The following BABAM2 variants were observed in gnomAD, a reference collection of about 807,000 sequenced individuals.
BABAM2 encodes BRISC and BRCA1 A complex member 2, also known as BRISC and BRCA1-A complex member 2.
BABAM2 carries 31 observed loss-of-function variants against 54.7 expected under a neutral mutation model. The ratio of observed to expected loss-of-function variants is 0.57; its 90% CI spans 0.43 to 0.77. The LOEUF is 0.77. BABAM2 is among the 30% of genes least tolerant of loss of function. BABAM2 has a pLI of 0.00. For missense variants in BABAM2, 364 were observed against 455.8 expected (o/e 0.80, Z 1.83); for synonymous variants, 167 against 162.9 (o/e 1.03, Z -0.19).
rs1010547936 is a variant in BABAM2, at chr2:28,114,018, A to G, written c.571-15253A>G. Reference sequence around the variant, plus strand: ...AATAAACTGGATATTGATGGAATGTATCTCAAAATAATAAGAGCTATTTAT... The same window carrying G: ...AATAAACTGGATATTGATGGAATGTGTCTCAAAATAATAAGAGCTATTTAT... On this transcript the variant is annotated intron_variant, in intron 6 of 11. Coordinates refer to ENST00000379624, the MANE Select transcript of BABAM2 (RefSeq NM_199191.3). Among the ~76,000 whole-genome samples the G allele has an allele frequency of 2.6e-5, 4 of 152,176 alleles. No individual in the cohort carries two copies. The South Asian group carries it at 8.3e-4, about 31-fold the overall frequency.
At chr2:28,043,173 G>A (rs1421156226) in intron 5 of BABAM2, among the ~76,000 whole-genome samples, 1 of 150,520 alleles carries the variant, frequency 6.6e-6, no homozygotes, top group Non-Finnish European at 1.5e-5. Flanking sequence ...CTGTCGCCCA[G>A]GCTAGAGTGC....
At chr2:27,998,239 A>C (rs1031454674) in intron 4 of BABAM2, among the ~76,000 whole-genome samples, 4 of 152,260 alleles carry the variant, frequency 2.6e-5, no homozygotes, top group South Asian at 2.1e-4. Flanking sequence ...CTCGTCATCC[A>C]TCCGCTCTTT....
Position 28,025,405 on chromosome 2 carries a change from G to A in BABAM2, c.480G>A (p.Gly160=), listed in dbSNP as rs201904014. Residue 160 remains glycine (G), a synonymous_variant, in exon 5 of 12, where the codon GGG becomes GGA. Transcript: ENST00000379624. ...QYGENMEIYA[G]KKNNWTGEFS... is the part of the protein sequence containing the mutation. Reference sequence around the variant, plus strand: ...GAGAGAACATGGAAATTTATGCTGGGAAAAAAAACAACTGGGTAAGGATTT... The same window carrying A: ...GAGAGAACATGGAAATTTATGCTGGAAAAAAAAACAACTGGGTAAGGATTT... 10 of 1,504,252 alleles carry A rather than the reference G, an allele frequency of 6.6e-6. No individual in the cohort carries two copies. The Admixed American group carries it at 1.6e-4, about 24-fold the overall frequency. The allele number at this position is 1,504,252 out of a possible 1,614,324, so 93.2% of individuals were successfully genotyped here. A position where few individuals can be genotyped will look rare whatever the true frequency, so the allele number is the denominator to read the frequency against.
intron 11 of BABAM2, among the ~76,000 whole-genome samples, chr2:28,305,517 AG>A (rs1688445137): frequency 6.6e-6 from 1 of 152,178 alleles, no homozygotes; most frequent in African/African-American, 2.4e-5. Context: ...TGTCCTTGTC[AG>A]GTCTTTGGTA....
intron 10 of BABAM2, among the ~76,000 whole-genome samples, chr2:28,251,926 C>T (rs758704616): frequency 3.8e-4 from 58 of 152,166 alleles, no homozygotes; most frequent in Admixed American, 7.2e-4. Context: ...TGCAGTGGCT[C>T]ATGCCCGTAA....
At chr2:27,998,172 C>G (rs1673309206) in intron 4 of BABAM2, among the ~76,000 whole-genome samples, 1 of 151,742 alleles carries the variant, frequency 6.6e-6, no homozygotes, top group Non-Finnish European at 1.5e-5. Flanking sequence ...AAATGCTTAT[C>G]CAGAGGAGTT....
At chr2:28,028,123 T>G (rs6727432) in intron 5 of BABAM2, among the ~76,000 whole-genome samples, 112,428 of 151,854 alleles carry the variant, frequency 0.74, 42,628 homozygotes, top group Middle Eastern at 0.89. Context: ...ATGCATGCAT[T>G]TAATAGTTGG....
intron 7 of BABAM2, among the ~76,000 whole-genome samples, chr2:28,232,260 A>G (rs1187942083): frequency 1.3e-5 from 2 of 152,154 alleles, no homozygotes; most frequent in Non-Finnish European, 2.9e-5. Flanking sequence ...ATTTTACTTG[A>G]CCAGTAAGGT....
chr2:28,158,134 A>C, intron 7 of BABAM2, among the ~76,000 whole-genome samples: 1 of 152,190 alleles, frequency 6.6e-6, no homozygotes, highest in East Asian at 1.9e-4. Context: ...TGATCAGAAG[A>C]CTTAAAATCT....
intron 5 of BABAM2, among the ~76,000 whole-genome samples, chr2:28,027,568 G>T (rs1275718964): frequency 6.6e-6 from 1 of 152,114 alleles, no homozygotes; most frequent in Non-Finnish European, 1.5e-5. Context: ...ACAGTATGTG[G>T]TTTTTGTGAC....
In BABAM2 at chr2:28,284,777, C is replaced by T. The variant is rs531724471; in HGVS notation, c.935-13561C>T. ...GTTTTGAAAGCTTGGTTTGTATTTTCTCAGCTGGAAATCAGGCTAGGAAAA... is the reference window on the plus strand; with the variant it reads ...GTTTTGAAAGCTTGGTTTGTATTTTTTCAGCTGGAAATCAGGCTAGGAAAA... On this transcript the variant is annotated intron_variant, in intron 10 of 11. Transcript: ENST00000379624. Among the ~76,000 whole-genome samples, 9 of 152,230 alleles carry T rather than the reference C, an allele frequency of 5.9e-5. No individual in the cohort carries two copies. The South Asian group carries it at 1.7e-3, about 28-fold the overall frequency.
intron 3 of BABAM2, among the ~76,000 whole-genome samples, chr2:27,958,415 G>A (rs751211266): frequency 6.6e-6 from 1 of 151,450 alleles, no homozygotes; most frequent in Non-Finnish European, 1.5e-5. Context: ...ACTGATGACA[G>A]TAAACAGCAT....
intron 7 of BABAM2, among the ~76,000 whole-genome samples, chr2:28,190,206 G>A (rs1676751562): frequency 6.6e-6 from 1 of 152,124 alleles, no homozygotes; most frequent in African/African-American, 2.4e-5. Context: ...GTTCATTCAG[G>A]CTATTATAAC....
chr2:27,974,050 T>C (rs1311125365), intron 3 of BABAM2, among the ~76,000 whole-genome samples: 1 of 152,136 alleles, frequency 6.6e-6, no homozygotes, highest in Non-Finnish European at 1.5e-5. Flanking sequence ...GAATTTATAG[T>C]TAAAAAAAAA....
chr2:27,911,218 A>G (rs529468439), intron 2 of BABAM2, among the ~76,000 whole-genome samples: 1 of 152,304 alleles, frequency 6.6e-6, no homozygotes, highest in South Asian at 2.1e-4. Flanking sequence ...GTGGGAACAG[A>G]CTAATACACT....
rs1033463093 is a variant in BABAM2, at chr2:27,995,299, G to A, written c.300+7212G>A. The stretch of plus-strand genomic sequence containing the variant: ...TTCTGCATGGCTCTGGCAGCACCGT[G>A]GGAGCAAGGAGGAAAGTACACAGAA... On this transcript the variant is annotated intron_variant, in intron 4 of 11. Coordinates refer to ENST00000379624, the MANE Select transcript of BABAM2 (RefSeq NM_199191.3). The surrounding 1 kb of genome is among the most constrained non-coding windows in gnomAD (Gnocchi z 4.1). Among the ~76,000 whole-genome samples the A allele has an allele frequency of 2.0e-5, 3 of 152,212 alleles. No individual in the cohort carries two copies. Among genetic ancestry groups the A allele is most frequent in the Middle Eastern group, 3.4e-3 (1 of 294 alleles).
rs547335248 is a variant in BABAM2 at position 28,318,806 on chromosome 2, T to C, written c.1089-19644T>C. Reference sequence around the variant, plus strand: ...CATGGTTTAATCTGACTGTCTTCAGTGGCATGGTTTGAGGTGGGACACCCA... The same window carrying C: ...CATGGTTTAATCTGACTGTCTTCAGCGGCATGGTTTGAGGTGGGACACCCA... On this transcript the variant is annotated intron_variant, in intron 11 of 11. Coordinates refer to ENST00000379624, the MANE Select transcript of BABAM2 (RefSeq NM_199191.3). 3.3e-5 allele frequency among the ~76,000 whole-genome samples: 5 copies of C among 152,322 alleles called. No homozygotes were observed. In the South Asian group the frequency reaches 1.0e-3, roughly 32 times the overall value.
chr2:28,172,859 T>C (rs1310622028), intron 7 of BABAM2, among the ~76,000 whole-genome samples: 1 of 152,200 alleles, frequency 6.6e-6, no homozygotes, highest in Non-Finnish European at 1.5e-5. Flanking sequence ...CAAAGTGCCA[T>C]AGACTGAGTG....
At chr2:27,942,117 G>C (rs966590901) in intron 3 of BABAM2, among the ~76,000 whole-genome samples, 2 of 152,074 alleles carry the variant, frequency 1.3e-5, no homozygotes, top group African/African-American at 4.8e-5. Context: ...TAGCTAATCA[G>C]CTTAATAAAC....
Sources: allele counts gnomAD v4.1 joint callset (sites outside exome capture counted in the v4.1 genomes callset), GRCh38; gene constraint gnomAD v4.1.1; non-coding constraint Gnocchi (gnomAD v3.1); transcripts MANE v1.5; gene names NCBI Gene and HGNC (gene_info 2026-07-23, HGNC 2026-07-21).